The following CDC14B variants were observed in gnomAD, a reference collection of about 807,000 sequenced individuals.
CDC14B encodes cell division cycle 14B, also known as dual specificity protein phosphatase CDC14B.
Under a neutral mutation model 64.2 loss-of-function variants are expected in CDC14B, and 22 were observed. That is an observed-to-expected ratio of 0.34 (90% CI 0.24 to 0.49). The LOEUF (loss-of-function observed/expected upper bound fraction) is 0.49, where lower values mean the gene tolerates loss of function less well. Among genes scored for constraint, CDC14B ranks in the 20% least tolerant of loss-of-function variants. The pLI, the probability that CDC14B is intolerant of heterozygous loss-of-function variation, is 0.99. For missense variants in CDC14B, 498 were observed against 629.9 expected (o/e 0.79, Z 2.24); for synonymous variants, 191 against 215.8 (o/e 0.89, Z 1.01).
At chr9:96,525,221 CA>C (rs1837381196) in intron 9 of CDC14B, among the ~76,000 whole-genome samples, 1 of 152,070 alleles carries the variant, frequency 6.6e-6, no homozygotes, top group Non-Finnish European at 1.5e-5. Context: ...TAGACTTAAT[CA>C]GCCATCTCAG....
chr9:96,532,391 T>C (rs1838624570), intron 9 of CDC14B, among the ~76,000 whole-genome samples: 1 of 152,188 alleles, frequency 6.6e-6, no homozygotes, highest in African/African-American at 2.4e-5. Flanking sequence ...GTAGGTCACT[T>C]CTCTCTTGCT....
chr9:96,541,432 G>A (rs943019829), intron 6 of CDC14B, among the ~76,000 whole-genome samples: 9 of 152,196 alleles, frequency 5.9e-5, no homozygotes, highest in African/African-American at 9.7e-5. Context: ...ACTGTGTTAC[G>A]TCTGTTGTAA....
intron 1 of CDC14B, among the ~76,000 whole-genome samples, chr9:96,578,519 C>A (rs762848502): frequency 6.6e-6 from 1 of 152,318 alleles, no homozygotes; most frequent in Admixed American, 6.5e-5. Flanking sequence ...GATAGAAGGG[C>A]ACTTCACCTT....
intron 1 of CDC14B, among the ~76,000 whole-genome samples, chr9:96,579,304 C>T (rs952540701): frequency 1.3e-5 from 2 of 151,906 alleles, no homozygotes; most frequent in African/African-American, 4.8e-5. Context: ...ATGAGAGATA[C>T]AGGCCAGGCG....
intron 1 of CDC14B, among the ~76,000 whole-genome samples, chr9:96,572,550 A>G (rs1844540433): frequency 6.6e-6 from 1 of 152,224 alleles, no homozygotes; most frequent in South Asian, 2.1e-4. Context: ...AACACAACCT[A>G]AGAGATAAAA....
At chr9:96,604,237 T>C (rs1263413489) in intron 1 of CDC14B, among the ~76,000 whole-genome samples, 5 of 152,156 alleles carry the variant, frequency 3.3e-5, no homozygotes, top group African/African-American at 9.7e-5. Flanking sequence ...GTGATGTTTA[T>C]AAAGCCTTTC....
chr9:96,619,290 T>G lies in CDC14B; in HGVS notation c.89A>C (p.Lys30Thr), dbSNP rs1427013836. 1 of 1,344,392 alleles carries G rather than the reference T, an allele frequency of 7.4e-7. No homozygotes were observed. The highest frequency in any genetic ancestry group is 9.6e-7 in the Non-Finnish European group (1 of 1,043,492). The allele number at this position is 1,344,392 out of a possible 1,614,324, so 83.3% of individuals were successfully genotyped here. Residue 30 changes from lysine (K) to threonine (T), a missense_variant, in exon 1 of 14, where the codon AAG becomes ACG. Lys to Thr is a moderately conservative substitution (Grantham distance 78). Transcript: ENST00000375241. The part of the protein sequence containing the change: ...RCSSTSPGVK[K>T]IRSSTQQDPR... Reference sequence around the variant, plus strand: ...GTCTTGCTGCGTGGAGCTGCGGATCTTCTTCACACCCGGCGAGGTCGACGA... The same window carrying G: ...GTCTTGCTGCGTGGAGCTGCGGATCGTCTTCACACCCGGCGAGGTCGACGA...
chr9:96,616,821 G>A (rs1005771272), intron 1 of CDC14B, among the ~76,000 whole-genome samples: 14 of 152,074 alleles, frequency 9.2e-5, no homozygotes, highest in African/African-American at 1.7e-4. Context: ...GGAAAAACAC[G>A]TTGAGAAGGA....
At chr9:96,508,395 T>C (rs1015567288) in intron 13 of CDC14B, among the ~76,000 whole-genome samples, 1 of 152,196 alleles carries the variant, frequency 6.6e-6, no homozygotes, top group Non-Finnish European at 1.5e-5. Flanking sequence ...CCCAATTCAT[T>C]TGGCATAATG....
intron 9 of CDC14B, among the ~76,000 whole-genome samples, chr9:96,529,876 G>A (rs1233736694): frequency 1.3e-5 from 2 of 152,048 alleles, no homozygotes; most frequent in Non-Finnish European, 2.9e-5. Flanking sequence ...GGCATCCCTT[G>A]AGATTCCAAA....
At chr9:96,589,212 G>A (rs868321515) in intron 1 of CDC14B, among the ~76,000 whole-genome samples, 10 of 151,968 alleles carry the variant, frequency 6.6e-5, no homozygotes, top group Non-Finnish European at 2.9e-5. Context: ...GGTGGCATGC[G>A]CCTGTAATCC....
At chr9:96,574,697 CAAAAA>C (rs57056796) in intron 1 of CDC14B, among the ~76,000 whole-genome samples, 5 of 49,962 alleles carry the variant, frequency 1.0e-4, no homozygotes, top group African/African-American at 4.2e-4. Context: ...CTCGGTCTCA[CAAAAA>C]AAAAAAAAAA....
chr9:96,509,931 C>G, intron 12 of CDC14B, 142 bp from the exon 13 acceptor site: 1 of 583,834 alleles, frequency 1.7e-6, no homozygotes, highest in South Asian at 2.3e-5. Context: ...CCAAAAAAAT[C>G]TGAAACACAT....
At chr9:96,513,810 G>C (rs1240313731) in intron 12 of CDC14B, among the ~76,000 whole-genome samples, 1 of 152,174 alleles carries the variant, frequency 6.6e-6, no homozygotes, top group Admixed American at 6.5e-5. Flanking sequence ...GTCTGACTCA[G>C]AAGCCTGAAG....
At chr9:96,609,759 T>C (rs1847190202) in intron 1 of CDC14B, among the ~76,000 whole-genome samples, 1 of 152,172 alleles carries the variant, frequency 6.6e-6, no homozygotes, top group Non-Finnish European at 1.5e-5. Flanking sequence ...AATGAGAACT[T>C]GAAAGAACAA....
intron 12 of CDC14B, chr9:96,514,491 C>A (rs1430399981): frequency 2.0e-6 from 2 of 985,122 alleles, no homozygotes; most frequent in African/African-American, 3.5e-5. Context: ...TAAATAGGAG[C>A]AAGTTAAGCA....
At chr9:96,534,934 A>T (rs1465871547) in intron 7 of CDC14B, among the ~76,000 whole-genome samples, 1 of 152,234 alleles carries the variant, frequency 6.6e-6, no homozygotes, top group Non-Finnish European at 1.5e-5. Context: ...CTGAATGACT[A>T]ACTGGCTTCC....
At chr9:96,492,605 G>C (rs756581223) in exon 14 of CDC14B, 1 of 152,376 alleles carries the variant, frequency 6.6e-6, no homozygotes, top group Non-Finnish European at 1.5e-5. Flanking sequence ...TTAGCCGGGC[G>C]TGGTGGCAGA....
intron 1 of CDC14B, among the ~76,000 whole-genome samples, chr9:96,595,142 T>A (rs569407468): frequency 1.4e-4 from 21 of 152,216 alleles, no homozygotes; most frequent in South Asian, 8.3e-4. Flanking sequence ...AGAGCGAGAT[T>A]CCGTCTCAAA....
Sources: gnomAD v4.1 joint callset for allele counts (sites outside exome capture counted in the v4.1 genomes callset) on GRCh38, gnomAD v4.1.1 for gene constraint, MANE v1.5 for transcripts, NCBI Gene and HGNC (gene_info 2026-07-23, HGNC 2026-07-21) for gene names.